Variants in MTMR7 observed in about 807,000 individuals in gnomAD.
MTMR7 encodes the protein myotubularin related protein 7.
A neutral mutation model predicts 81.2 loss-of-function variants in MTMR7; 76 were observed. The ratio of observed to expected loss-of-function variants is 0.94; its 90% CI spans 0.78 to 1.13. The LOEUF (loss-of-function observed/expected upper bound fraction) is 1.13, where lower values mean the gene tolerates loss of function less well. MTMR7 is among the 50% of genes most tolerant of loss of function. The pLI is 0.00. For synonymous variants in MTMR7, 372 were observed against 289.8 expected, an observed-to-expected ratio of 1.28 and a Z score of -2.88; for missense variants, 1,044 against 820.0, an observed-to-expected ratio of 1.27 and a Z score of -3.34.
At chr8:17,375,035 G>C (rs1820536401) in intron 1 of MTMR7, among the ~76,000 whole-genome samples, 1 of 150,568 alleles carries the variant, frequency 6.6e-6, no homozygotes, top group Admixed American at 6.6e-5. Context: ...GTTGCAGTGA[G>C]CCGAGATCGC....
At chr8:17,341,548 G>A (rs2150542279) in intron 5 of MTMR7, 51 bp from the exon 6 acceptor site, 1 of 1,600,468 alleles carries the variant, frequency 6.2e-7, no homozygotes, top group Non-Finnish European at 8.5e-7. Context: ...CTGTACCCAT[G>A]AGAGACACTC....
intron 1 of MTMR7, among the ~76,000 whole-genome samples, chr8:17,376,969 G>A (rs1261966297): frequency 1.3e-5 from 2 of 151,724 alleles, no homozygotes; most frequent in Admixed American, 6.6e-5. Flanking sequence ...TTGAAATCAC[G>A]ACTACGTAAT....
chr8:17,398,836 G>T (rs1356504691), intron 1 of MTMR7, among the ~76,000 whole-genome samples: 3 of 151,830 alleles, frequency 2.0e-5, no homozygotes, highest in African/African-American at 7.3e-5. Context: ...TGAAGTGAAA[G>T]TGTAGAGTTT....
intron 7 of MTMR7, among the ~76,000 whole-genome samples, chr8:17,315,864 T>C (rs1818039624): frequency 1.3e-5 from 2 of 152,056 alleles, no homozygotes; most frequent in Admixed American, 1.3e-4. Context: ...AGAGAAAAAA[T>C]GAGCGAGACT....
intron 8 of MTMR7, 69 bp downstream of exon 8, chr8:17,313,223 G>A (rs1817887301): frequency 3.4e-6 from 4 of 1,164,976 alleles, no homozygotes; most frequent in Non-Finnish European, 5.1e-6. Flanking sequence ...CCATGGCAGA[G>A]GGATACCCAT....
intron 4 of MTMR7, among the ~76,000 whole-genome samples, chr8:17,356,898 T>C (rs887075705): frequency 1.3e-5 from 2 of 152,116 alleles, no homozygotes; most frequent in African/African-American, 4.8e-5. Flanking sequence ...CAGGCCAATA[T>C]GTCCACGCAA....
chr8:17,350,929 G>C (rs1819711249), intron 4 of MTMR7, among the ~76,000 whole-genome samples: 1 of 152,150 alleles, frequency 6.6e-6, no homozygotes, highest in African/African-American at 2.4e-5. Context: ...AGGAAAATCT[G>C]CCAAGAACAG....
intron 6 of MTMR7, among the ~76,000 whole-genome samples, chr8:17,334,937 A>T (rs144476260): frequency 1.2e-3 from 177 of 152,292 alleles, no homozygotes; most frequent in Non-Finnish European, 2.0e-3. Flanking sequence ...ATAACCAATG[A>T]GCGAACCACT....
intron 1 of MTMR7, among the ~76,000 whole-genome samples, chr8:17,405,282 T>A (rs1010895117): frequency 1.4e-4 from 22 of 152,164 alleles, no homozygotes; most frequent in African/African-American, 5.3e-4. Context: ...CTCCCAGTGT[T>A]TCATATGCTG....
At chr8:17,356,267 A>G (rs745900382) in intron 4 of MTMR7, among the ~76,000 whole-genome samples, 2 of 152,200 alleles carry the variant, frequency 1.3e-5, no homozygotes, top group African/African-American at 2.4e-5. Context: ...AACTAACTTA[A>G]TCATACGGAT....
At chr8:17,367,606 T>G (rs1157112026) in intron 3 of MTMR7, among the ~76,000 whole-genome samples, 3 of 152,240 alleles carry the variant, frequency 2.0e-5, no homozygotes, top group Admixed American at 6.5e-5. Flanking sequence ...TCAATCTTTA[T>G]TCACACAAAA....
chr8:17,365,478 C>T (rs933726814), intron 3 of MTMR7, among the ~76,000 whole-genome samples: 3 of 152,148 alleles, frequency 2.0e-5, no homozygotes, highest in Admixed American at 2.0e-4. Flanking sequence ...ATTTTCTACC[C>T]ACTCTTAAAA....
Position 17,299,683 on chromosome 8 carries a change from A to T in MTMR7, c.*179T>A. ...CTTATATTTGATAAATGAAATGACT[A>T]CGTCCTCTTCAGTATCTAAGAAATC... On this transcript the variant is annotated 3_prime_UTR_variant, in exon 14 of 14. Transcript: ENST00000180173. 1 of 746,358 alleles carries T rather than the reference A, an allele frequency of 1.3e-6. No individual in the cohort carries two copies. Among genetic ancestry groups the T allele is most frequent in the Non-Finnish European group, 2.1e-6 (1 of 468,420 alleles). The allele number at this position is 746,358 out of a possible 1,614,324, so 46.2% of individuals were successfully genotyped here.
At chr8:17,350,263 T>C (rs1251366927) in intron 4 of MTMR7, among the ~76,000 whole-genome samples, 3 of 152,162 alleles carry the variant, frequency 2.0e-5, no homozygotes, top group Non-Finnish European at 4.4e-5. Flanking sequence ...ACTAGTCCAT[T>C]TTCATACGGT....
intron 4 of MTMR7, among the ~76,000 whole-genome samples, chr8:17,351,174 G>C (rs1367315604): frequency 2.0e-5 from 3 of 152,226 alleles, no homozygotes; most frequent in African/African-American, 7.2e-5. Flanking sequence ...TAGGTTTTCA[G>C]CAAGTTGGGA....
intron 1 of MTMR7, among the ~76,000 whole-genome samples, chr8:17,402,801 AG>A (rs1174856081): frequency 5.3e-5 from 8 of 152,192 alleles, no homozygotes; most frequent in African/African-American, 1.9e-4. Flanking sequence ...CTCTGTTTTT[AG>A]TTTTTTGAGG....
intron 13 of MTMR7, 167 bp downstream of exon 13, chr8:17,301,987 G>C: frequency 2.4e-6 from 2 of 816,986 alleles, no homozygotes; most frequent in South Asian, 2.0e-5. Flanking sequence ...CCTAGGTTTG[G>C]GCTTCGGTTA....
chr8:17,382,259 A>G (rs1469155736), intron 1 of MTMR7, among the ~76,000 whole-genome samples: 1 of 152,142 alleles, frequency 6.6e-6, no homozygotes, highest in African/African-American at 2.4e-5. Context: ...GGACTGTGAT[A>G]AGCATCCCAA....
chr8:17,412,972 A>C (rs540840623), intron 1 of MTMR7, among the ~76,000 whole-genome samples: 4 of 152,312 alleles, frequency 2.6e-5, no homozygotes, highest in Non-Finnish European at 5.9e-5. Flanking sequence ...GTTGATCTAC[A>C]CCCAGTTACT....
Sources: gnomAD v4.1 joint callset for allele counts (sites outside exome capture counted in the v4.1 genomes callset) on GRCh38, gnomAD v4.1.1 for gene constraint, MANE v1.5 for transcripts, NCBI Gene and HGNC (gene_info 2026-07-23, HGNC 2026-07-21) for gene names.